VPS13B: variants seen among roughly 807,000 people sequenced by gnomAD.
The protein encoded by VPS13B is intermembrane lipid transfer protein VPS13B.
A neutral mutation model predicts 426.4 loss-of-function variants in VPS13B; 285 were observed. The ratio of observed to expected loss-of-function variants is 0.67; its 90% CI spans 0.61 to 0.74. The LOEUF is 0.74. Ranked by LOEUF, VPS13B falls within the 30% of genes least tolerant of loss-of-function variation. The pLI, the probability that VPS13B is intolerant of heterozygous loss-of-function variation, is 0.00. For synonymous variants in VPS13B, 1,676 were observed against 1,676.4 expected (o/e 1.00, Z 0.01); for missense variants, 4,537 against 4,782.6 (o/e 0.95, Z 1.51).
At chr8:99,723,368 A>G (rs1833207638) in intron 39 of VPS13B, among the ~76,000 whole-genome samples, 1 of 152,166 alleles carries the variant, frequency 6.6e-6, no homozygotes, top group Non-Finnish European at 1.5e-5. Flanking sequence ...CCAAAATCCA[A>G]AACTTTCTGA....
chr8:99,123,859 G>C (rs1686620399), intron 8 of VPS13B, among the ~76,000 whole-genome samples: 1 of 152,142 alleles, frequency 6.6e-6, no homozygotes, highest in Non-Finnish European at 1.5e-5. Context: ...TTGAGATGAA[G>C]ATGAGGAATT....
At position 99,135,018 on chromosome 8, in the gene VPS13B, C is replaced by G. The variant is rs1810002170; in HGVS notation, c.1306C>G (p.Leu436Val). ...AATGTTTCCTTTCGTCTTATAGGCCCTTATGATGGGAGAACCTTTCTTTGA... is the reference window on the plus strand; with the variant it reads ...AATGTTTCCTTTCGTCTTATAGGCCGTTATGATGGGAGAACCTTTCTTTGA... ...WEQEGTTVEA[L>V]MMGEPFFDCQ... Residue 436 changes from leucine (L) to valine (V), a missense_variant, in exon 10 of 62, where the codon CTT becomes GTT. Physicochemically the swap from Leu to Val is conservative, Grantham distance 32. Around this residue, in one of 2 missense-constraint regions of VPS13B, gnomAD observed 4,311 missense variants for 4,474.3 expected, o/e 0.96. Coordinates refer to ENST00000357162, the MANE Select transcript of VPS13B (RefSeq NM_152564.5). 1.2e-6 allele frequency: 2 copies of G among 1,613,280 alleles called. No homozygotes were observed. Among genetic ancestry groups the G allele is most frequent in the Admixed American group, 1.7e-5 (1 of 59,978 alleles).
intron 33 of VPS13B, among the ~76,000 whole-genome samples, chr8:99,611,356 G>A (rs1216061563): frequency 1.3e-5 from 2 of 152,102 alleles, no homozygotes; most frequent in East Asian, 3.8e-4. Flanking sequence ...GGAATTTTCA[G>A]AAGACTTAAA....
intron 17 of VPS13B, among the ~76,000 whole-genome samples, chr8:99,201,434 T>C (rs1814317998): frequency 2.0e-5 from 3 of 152,136 alleles, no homozygotes; most frequent in African/African-American, 7.2e-5. Context: ...CCAAAAGCAA[T>C]AACAAATTTA....
chr8:99,233,750 T>TTC (rs904255782), intron 17 of VPS13B: 31 of 779,784 alleles, frequency 4.0e-5, no homozygotes, highest in Non-Finnish European at 7.2e-5. Flanking sequence ...ATGTTCATTT[T>TTC]TCTTCACATT....
chr8:99,244,604 C>T (rs371836313), intron 17 of VPS13B, among the ~76,000 whole-genome samples: 14 of 152,160 alleles, frequency 9.2e-5, no homozygotes, highest in South Asian at 2.1e-4. Context: ...ACATTTTCGC[C>T]TTGGAGTTAT....
intron 20 of VPS13B, among the ~76,000 whole-genome samples, chr8:99,385,342 A>T (rs1289196538): frequency 1.3e-5 from 2 of 152,200 alleles, no homozygotes; most frequent in African/African-American, 4.8e-5. Flanking sequence ...GCAATATCCT[A>T]TTTGGAATAG....
chr8:99,472,965 GAAAAGAGCA>G (rs1262857795), intron 24 of VPS13B, among the ~76,000 whole-genome samples: 7 of 151,920 alleles, frequency 4.6e-5, no homozygotes, highest in Admixed American at 4.6e-4. Flanking sequence ...GACACAAGAA[GAAAAGAGCA>G]AAACCAAATA....
At chr8:99,233,112 T>A in intron 17 of VPS13B, 1 of 1,369,166 alleles carries the variant, frequency 7.3e-7, no homozygotes. Flanking sequence ...TCACCTCTTG[T>A]ACAGTTTCCC....
chr8:99,497,159 A>T (rs1207040599), intron 25 of VPS13B, among the ~76,000 whole-genome samples: 2 of 139,334 alleles, frequency 1.4e-5, no homozygotes, highest in Non-Finnish European at 3.1e-5. Context: ...TATGTAATAT[A>T]AAAATATATT....
chr8:99,671,591 T>G (rs1475475272), intron 35 of VPS13B, among the ~76,000 whole-genome samples: 1 of 152,200 alleles, frequency 6.6e-6, no homozygotes, highest in African/African-American at 2.4e-5. Flanking sequence ...TCTAGTAGTT[T>G]CGTAGTTTTT....
chr8:99,700,515 A>C (rs368277955), intron 36 of VPS13B, among the ~76,000 whole-genome samples: 1 of 152,256 alleles, frequency 6.6e-6, no homozygotes, highest in Non-Finnish European at 1.5e-5. Flanking sequence ...CCAAGGTTCA[A>C]CTTTGCAAGA....
At chr8:99,819,294 C>A in intron 47 of VPS13B, 118 bp from the exon 48 acceptor site, 1 of 1,208,500 alleles carries the variant, frequency 8.3e-7, no homozygotes, top group Non-Finnish European at 1.2e-6. Flanking sequence ...CATAAATGGA[C>A]TCTATCTACC....
intron 58 of VPS13B, 58 bp downstream of exon 58, chr8:99,862,004 C>T: frequency 6.6e-6 from 10 of 1,516,336 alleles, no homozygotes; most frequent in Non-Finnish European, 8.0e-6. Flanking sequence ...GATGCAGGGT[C>T]TCCCAGGACT....
chr8:99,592,151 G>C (rs1826717821), intron 33 of VPS13B, among the ~76,000 whole-genome samples: 1 of 151,956 alleles, frequency 6.6e-6, no homozygotes, highest in African/African-American at 2.4e-5. Context: ...TCATGCCATG[G>C]TTTTCAGCTC....
rs577037031 is a variant in VPS13B, at chr8:99,266,953, G to A, written c.2516-7245G>A. Among the ~76,000 whole-genome samples the A allele has an allele frequency of 1.2e-3, 180 of 152,126 alleles. 1 individual carries two copies. Among genetic ancestry groups the A allele is most frequent in the South Asian group, 2.5e-3 (12 of 4,830 alleles). On this transcript the variant is annotated intron_variant, in intron 17 of 61. Transcript: ENST00000357162. ...CTCATACAGCAAATTGATACCAGTA[G>A]GGTAGGGTGCTGCTATAAGGATACC...
intron 19 of VPS13B, among the ~76,000 whole-genome samples, chr8:99,315,556 C>A (rs1809595966): frequency 6.6e-6 from 1 of 150,904 alleles, no homozygotes; most frequent in Non-Finnish European, 1.5e-5. Flanking sequence ...AATTTCTTTG[C>A]ATCATTTATG....
In VPS13B at chr8:99,053,233, G is replaced by T. The variant is rs1019272517; in HGVS notation, c.291+14667G>T. 3.3e-5 allele frequency among the ~76,000 whole-genome samples: 5 copies of T among 152,042 alleles called. No individual in the cohort carries two copies. In the East Asian group the frequency reaches 5.8e-4, roughly 18 times the overall value. On this transcript the variant is annotated intron_variant, in intron 3 of 61. Coordinates refer to ENST00000357162, the MANE Select transcript of VPS13B (RefSeq NM_152564.5). ...TATACATGTGCCATGTTTGTGTGCT[G>T]CACCCATTAACTCGTCATTAAGCAT... is the stretch of plus-strand genomic sequence containing the variant.
intron 30 of VPS13B, among the ~76,000 whole-genome samples, chr8:99,529,853 T>C (rs1822838087): frequency 2.0e-5 from 3 of 152,236 alleles, no homozygotes; most frequent in Admixed American, 2.0e-4. Context: ...AAAATCCCTG[T>C]CTTTTAATGC....
Sources: gnomAD v4.1 joint callset for allele counts (sites outside exome capture counted in the v4.1 genomes callset) on GRCh38, gnomAD v4.1.1 for gene constraint, gnomAD v4.1.1 regional missense constraint, MANE v1.5 for transcripts, NCBI Gene and HGNC (gene_info 2026-07-23, HGNC 2026-07-21) for gene names.